Variants in EYS observed in about 807,000 individuals in gnomAD.
EYS encodes the protein EGF-like photoreceptor maintenance factor.
In EYS, 250 loss-of-function variants were observed where a neutral mutation model predicts 282.1. The observed-to-expected ratio is 0.89, with a 90% CI of 0.80 to 0.98. The LOEUF is 0.98. Ranked by LOEUF, EYS falls within the 50% of genes least tolerant of loss-of-function variation. The probability of loss-of-function intolerance (pLI) is 0.00; values close to 1 mark genes in which losing one functional copy is unlikely to be tolerated. For missense variants in EYS, 4,016 were observed against 3,709.0 expected, an observed-to-expected ratio of 1.08 and a Z score of -2.15; for synonymous variants, 1,355 against 1,282.9, an observed-to-expected ratio of 1.06 and a Z score of -1.20.
chr6:64,055,040 T>A (rs1770934082), intron 33 of EYS, among the ~76,000 whole-genome samples: 1 of 152,160 alleles, frequency 6.6e-6, no homozygotes, highest in South Asian at 2.1e-4. Flanking sequence ...CAGATCTGCT[T>A]ACTGTAGTAC....
intron 22 of EYS, among the ~76,000 whole-genome samples, chr6:64,727,556 A>T (rs1273367754): frequency 6.6e-6 from 1 of 152,172 alleles, no homozygotes; most frequent in African/African-American, 2.4e-5. Context: ...CAAGTAGTAA[A>T]CTATATAATT....
chr6:65,231,686 A>G (rs1766786779), intron 12 of EYS, among the ~76,000 whole-genome samples: 1 of 151,956 alleles, frequency 6.6e-6, no homozygotes, highest in Non-Finnish European at 1.5e-5. Flanking sequence ...AAATTTAATA[A>G]TGAAACATTG....
At chr6:64,076,530 C>T (rs1159288568) in intron 32 of EYS, among the ~76,000 whole-genome samples, 1 of 151,840 alleles carries the variant, frequency 6.6e-6, no homozygotes, top group East Asian at 1.9e-4. Flanking sequence ...ATCATGGGGG[C>T]ATTTTCCCTC....
intron 12 of EYS, among the ~76,000 whole-genome samples, chr6:65,187,343 TTTC>T (rs1204066540): frequency 6.6e-6 from 1 of 151,706 alleles, no homozygotes; most frequent in Non-Finnish European, 1.5e-5. Flanking sequence ...AATTTCTAGA[TTTC>T]TTCTTACAGT....
At chr6:65,467,504 AACACACACAC>A (rs5876966) in intron 5 of EYS, among the ~76,000 whole-genome samples, 1 of 150,548 alleles carries the variant, frequency 6.6e-6, no homozygotes, top group Non-Finnish European at 1.5e-5. Flanking sequence ...TGACTATTTA[AACACACACAC>A]ACACACATAC....
chr6:65,188,032 A>G (rs905104356), intron 12 of EYS, among the ~76,000 whole-genome samples: 1 of 151,676 alleles, frequency 6.6e-6, no homozygotes, highest in Admixed American at 6.6e-5. Flanking sequence ...ATGTAAAATT[A>G]TATTCAAATT....
chr6:63,899,036 C>T (rs1226637306), intron 35 of EYS, among the ~76,000 whole-genome samples: 1 of 151,914 alleles, frequency 6.6e-6, no homozygotes, highest in East Asian at 1.9e-4. Context: ...CTATGACCTG[C>T]CTAAAGGTTA....
At chr6:65,082,952 C>A (rs755246159) in intron 12 of EYS, among the ~76,000 whole-genome samples, 1 of 151,820 alleles carries the variant, frequency 6.6e-6, no homozygotes. Context: ...TAAAAGAATG[C>A]AGATGGGGTT....
intron 1 of EYS, among the ~76,000 whole-genome samples, chr6:65,658,711 G>A (rs1256555047): frequency 6.6e-6 from 1 of 151,564 alleles, no homozygotes; most frequent in Non-Finnish European, 1.5e-5. Context: ...TGATACACAT[G>A]TAACATATAT....
intron 7 of EYS, among the ~76,000 whole-genome samples, chr6:65,398,457 A>G (rs921401886): frequency 6.6e-6 from 1 of 152,040 alleles, no homozygotes; most frequent in Non-Finnish European, 1.5e-5. Flanking sequence ...ATCTTTTACC[A>G]TATTCAAAAA....
chr6:64,240,886 G>T lies in EYS; in HGVS notation c.6192-10062C>A, dbSNP rs555877867. Among the ~76,000 whole-genome samples the T allele has an allele frequency of 2.6e-5, 4 of 152,188 alleles. No homozygotes were observed. In the South Asian group the frequency reaches 8.3e-4, roughly 32 times the overall value. On this transcript the variant is annotated intron_variant, in intron 30 of 42. Coordinates refer to ENST00000503581, the MANE Select transcript of EYS (RefSeq NM_001142800.2). ...CCATTCAGTATGATATTGGTTATAGGTTTGTCATAAATAGCTCTTATTATT... is the reference window on the plus strand; with the variant it reads ...CCATTCAGTATGATATTGGTTATAGTTTTGTCATAAATAGCTCTTATTATT...
intron 30 of EYS, among the ~76,000 whole-genome samples, chr6:64,281,410 C>A (rs564265013): frequency 8.6e-5 from 13 of 151,932 alleles, no homozygotes; most frequent in Admixed American, 5.9e-4. Flanking sequence ...GAAATACTTT[C>A]GAAATGAATT....
intron 12 of EYS, among the ~76,000 whole-genome samples, chr6:65,146,850 C>T (rs1042758019): frequency 4.0e-5 from 6 of 151,828 alleles, no homozygotes; most frequent in Non-Finnish European, 5.9e-5. Context: ...TTTATTAATT[C>T]CCTAATATGA....
At chr6:63,806,424 T>C in intron 36 of EYS, 52 bp from the exon 37 acceptor site, 2 of 1,427,972 alleles carry the variant, frequency 1.4e-6, no homozygotes, top group Non-Finnish European at 1.9e-6. Context: ...CATGTATTTG[T>C]AAAGTGAGGG....
At chr6:64,138,168 A>G (rs913677980) in intron 31 of EYS, among the ~76,000 whole-genome samples, 53 of 152,336 alleles carry the variant, frequency 3.5e-4, no homozygotes, top group African/African-American at 1.3e-3. Context: ...TCAATTGTAC[A>G]TAGTAGATGT....
intron 35 of EYS, among the ~76,000 whole-genome samples, chr6:63,902,197 G>A (rs1773675417): frequency 6.6e-6 from 1 of 151,920 alleles, no homozygotes; most frequent in Admixed American, 6.6e-5. Context: ...CCTAGCCCTT[G>A]GATTTTTAGA....
chr6:64,482,924 A>C (rs1776478873), intron 26 of EYS, among the ~76,000 whole-genome samples: 1 of 151,698 alleles, frequency 6.6e-6, no homozygotes, highest in Admixed American at 6.6e-5. Flanking sequence ...TAAAAGCCAT[A>C]GCAGTGGCAG....
chr6:65,605,805 T>C (rs769858388), intron 2 of EYS, among the ~76,000 whole-genome samples: 4 of 151,810 alleles, frequency 2.6e-5, no homozygotes, highest in Non-Finnish European at 5.9e-5. Flanking sequence ...TGAATAAATA[T>C]GTGTGTGTAT....
intron 31 of EYS, among the ~76,000 whole-genome samples, chr6:64,161,393 AAGCTGCTG>A (rs1775101715): frequency 6.6e-6 from 1 of 152,178 alleles, no homozygotes; most frequent in South Asian, 2.1e-4. Context: ...CATCAGTAGG[AAGCTGCTG>A]TCATGAGGTA....
Sources: gnomAD v4.1 joint callset for allele counts (sites outside exome capture counted in the v4.1 genomes callset) on GRCh38, gnomAD v4.1.1 for gene constraint, MANE v1.5 for transcripts, NCBI Gene and HGNC (gene_info 2026-07-23, HGNC 2026-07-21) for gene names.